RIMS2: variants seen among roughly 807,000 people sequenced by gnomAD.
RIMS2 encodes the protein regulating synaptic membrane exocytosis protein 2.
A neutral mutation model predicts 174.4 loss-of-function variants in RIMS2; 59 were observed. That is an observed-to-expected ratio of 0.34 (90% CI 0.27 to 0.42). RIMS2 has a LOEUF of 0.42. Ranked by LOEUF, RIMS2 falls within the 10% of genes least tolerant of loss-of-function variation. The pLI, the probability that RIMS2 is intolerant of heterozygous loss-of-function variation, is 1.00. For missense variants in RIMS2, 1,620 were observed against 1,666.3 expected, an observed-to-expected ratio of 0.97 and a Z score of 0.48; for synonymous variants, 606 against 572.5, an observed-to-expected ratio of 1.06 and a Z score of -0.84.
intron 13 of RIMS2, 128 bp from the exon 16 acceptor site, chr8:103,942,645 T>A (rs967398806): frequency 3.0e-6 from 2 of 661,626 alleles, no homozygotes; most frequent in Non-Finnish European, 4.9e-6. Context: ...TTGCAACGTC[T>A]AAATGACCTT....
intron 1 of RIMS2, among the ~76,000 whole-genome samples, chr8:103,622,179 T>G (rs892098620): frequency 6.6e-6 from 1 of 152,086 alleles, no homozygotes; most frequent in Non-Finnish European, 1.5e-5. Flanking sequence ...ATACTTTTGC[T>G]ATAGTGGATT....
intron 3 of RIMS2, among the ~76,000 whole-genome samples, chr8:103,788,936 T>C (rs996139421): frequency 2.8e-5 from 4 of 144,184 alleles, no homozygotes; most frequent in South Asian, 2.1e-4. Context: ...CCGTGGGCGT[T>C]GGACCCTCTG....
intron 1 of RIMS2, among the ~76,000 whole-genome samples, chr8:103,613,975 C>G (rs183012583): frequency 6.6e-6 from 1 of 152,174 alleles, no homozygotes; most frequent in Non-Finnish European, 1.5e-5. Flanking sequence ...AGGAAGGAAA[C>G]ACTTTTATTA....
chr8:103,545,771 A>T (rs1363921073), intron 1 of RIMS2, among the ~76,000 whole-genome samples: 1 of 149,950 alleles, frequency 6.7e-6, no homozygotes, highest in East Asian at 1.9e-4. Context: ...ATATCCAGCC[A>T]AACTAAGCTT....
intron 13 of RIMS2, 70 bp from the exon 16 acceptor site, chr8:103,942,703 A>T (rs2082813371): frequency 8.9e-7 from 1 of 1,117,898 alleles, no homozygotes; most frequent in Admixed American, 2.3e-5. Flanking sequence ...TACAAAAGTT[A>T]TAGGACCATT....
chr8:104,019,052 G>A (rs2096010095), intron 19 of RIMS2, among the ~76,000 whole-genome samples: 1 of 152,058 alleles, frequency 6.6e-6, no homozygotes, highest in Non-Finnish European at 1.5e-5. Flanking sequence ...AAAAAAATTA[G>A]CTGGGCATGG....
At chr8:103,832,373 A>G (rs1044947580) in intron 3 of RIMS2, among the ~76,000 whole-genome samples, 8 of 151,988 alleles carry the variant, frequency 5.3e-5, no homozygotes, top group African/African-American at 1.9e-4. Context: ...ACATTGTGGA[A>G]CTCAATTTTT....
At chr8:104,221,260 A>G (rs2099153750) in intron 19 of RIMS2, among the ~76,000 whole-genome samples, 1 of 152,220 alleles carries the variant, frequency 6.6e-6, no homozygotes, top group South Asian at 2.1e-4. Context: ...ACGTGCGCAC[A>G]CACATAAACA....
At chr8:103,628,839 C>T (rs1222713263) in intron 1 of RIMS2, among the ~76,000 whole-genome samples, 2 of 149,680 alleles carry the variant, frequency 1.3e-5, no homozygotes. Flanking sequence ...AGAACAAAAA[C>T]ATTTTGATTA....
At chr8:104,001,581 T>C (rs2154552233) in intron 17 of RIMS2, among the ~76,000 whole-genome samples, 1 of 152,048 alleles carries the variant, frequency 6.6e-6, no homozygotes, top group Admixed American at 6.6e-5. Flanking sequence ...TAATAAATGC[T>C]ATGCTGAGTT....
chr8:103,775,616 A>G (rs1441206799), intron 3 of RIMS2, among the ~76,000 whole-genome samples: 1 of 152,172 alleles, frequency 6.6e-6, no homozygotes, highest in African/African-American at 2.4e-5. Flanking sequence ...TGTCTTTAAC[A>G]TGACTGATGT....
chr8:103,791,288 T>G (rs1460610177), intron 3 of RIMS2, among the ~76,000 whole-genome samples: 1 of 152,182 alleles, frequency 6.6e-6, no homozygotes, highest in Non-Finnish European at 1.5e-5. Context: ...AAGAAAAGAA[T>G]TTTCAATCCA....
chr8:103,873,268 A>G (rs1302439340), intron 3 of RIMS2, among the ~76,000 whole-genome samples: 1 of 152,116 alleles, frequency 6.6e-6, no homozygotes, highest in Non-Finnish European at 1.5e-5. Context: ...TCTCTTGGGA[A>G]CAAGATGCTC....
intron 3 of RIMS2, among the ~76,000 whole-genome samples, chr8:103,788,597 A>T (rs1343115131): frequency 6.6e-6 from 1 of 151,936 alleles, no homozygotes; most frequent in Non-Finnish European, 1.5e-5. Context: ...GTCAGGGGTC[A>T]GGGACCCACT....
At chr8:103,758,892 A>T (rs895407866) in intron 2 of RIMS2, among the ~76,000 whole-genome samples, 8 of 152,240 alleles carry the variant, frequency 5.3e-5, no homozygotes, top group Non-Finnish European at 1.2e-4. Flanking sequence ...GCAAAGTGGT[A>T]AAACTCACTA....
At chr8:103,974,083 A>T (rs1368824602) in intron 15 of RIMS2, among the ~76,000 whole-genome samples, 3 of 152,174 alleles carry the variant, frequency 2.0e-5, no homozygotes, top group Admixed American at 6.5e-5. Context: ...CAGAGCATAC[A>T]GTTGGATCAG....
At chr8:103,525,293 C>A (rs989401867) in intron 1 of RIMS2, among the ~76,000 whole-genome samples, 3 of 151,908 alleles carry the variant, frequency 2.0e-5, no homozygotes, top group Admixed American at 2.0e-4. Context: ...CAAAAATGGC[C>A]CCTGTTAACT....
At chr8:103,716,117 T>A (rs987252585) in intron 2 of RIMS2, among the ~76,000 whole-genome samples, 192 bp from the exon 5 acceptor site, 52 of 151,922 alleles carry the variant, frequency 3.4e-4, no homozygotes, top group African/African-American at 1.2e-3. Context: ...TGGAAAAAAA[T>A]CTCCCCTAAA....
chr8:104,088,769 T>C (rs2097580308), intron 19 of RIMS2, among the ~76,000 whole-genome samples: 1 of 151,910 alleles, frequency 6.6e-6, no homozygotes, highest in Admixed American at 6.6e-5. Flanking sequence ...TTCAAATGAG[T>C]ACTGGAGAAA....
Sources: allele counts gnomAD v4.1 joint callset (sites outside exome capture counted in the v4.1 genomes callset), GRCh38; gene constraint gnomAD v4.1.1; transcripts MANE v1.5; gene names NCBI Gene and HGNC (gene_info 2026-07-23, HGNC 2026-07-21).